The following SLC35F1 variants were observed in gnomAD, a reference collection of about 807,000 sequenced individuals.
SLC35F1 encodes chromosome 6 open reading frame 169.
Under a neutral mutation model 48.7 loss-of-function variants are expected in SLC35F1, and 14 were observed. The observed-to-expected ratio is 0.29, with a 90% CI of 0.19 to 0.45. The LOEUF is 0.45. SLC35F1 is among the 20% of genes least tolerant of loss of function. The probability of loss-of-function intolerance (pLI) is 1.00; values close to 1 mark genes in which losing one functional copy is unlikely to be tolerated. For missense variants in SLC35F1, 404 were observed against 500.0 expected (o/e 0.81, Z 1.83); for synonymous variants, 190 against 202.2 (o/e 0.94, Z 0.51).
chr6:117,927,082 A>ATCATCTG lies in SLC35F1; in HGVS notation c.173+19185_173+19191dup, dbSNP rs1306197478. The stretch of plus-strand genomic sequence containing the variant: ...TCTAAACTCACTGAGCTTTAGTTCC[A>ATCATCTG]TCATCTGTGAAATTCAGTAAGAGTA... On this transcript the variant is annotated intron_variant, in intron 1 of 7. Transcript: ENST00000360388. Among the ~76,000 whole-genome samples, 7 of 152,294 alleles carry ATCATCTG rather than the reference A, an allele frequency of 4.6e-5. No individual in the cohort carries two copies. The South Asian group carries it at 1.0e-3, about 23-fold the overall frequency.
chr6:117,999,264 C>G, intron 1 of SLC35F1: 4 of 1,595,390 alleles, frequency 2.5e-6, no homozygotes, highest in Non-Finnish European at 3.4e-6. Context: ...GATCGACATG[C>G]CTACGTTGCC....
chr6:118,123,983 C>T (rs1773589223), intron 1 of SLC35F1, among the ~76,000 whole-genome samples: 1 of 152,110 alleles, frequency 6.6e-6, no homozygotes, highest in African/African-American at 2.4e-5. Context: ...TTGGCTTCCA[C>T]AAATGCATCT....
intron 1 of SLC35F1, among the ~76,000 whole-genome samples, chr6:118,016,506 G>A (rs940176577): frequency 6.6e-6 from 1 of 152,196 alleles, no homozygotes; most frequent in African/African-American, 2.4e-5. Context: ...CAGCAAGGGT[G>A]GGAGGGAAAG....
At chr6:118,007,968 G>A (rs1777196067) in intron 1 of SLC35F1, among the ~76,000 whole-genome samples, 1 of 152,100 alleles carries the variant, frequency 6.6e-6, no homozygotes, top group Non-Finnish European at 1.5e-5. Context: ...GCTAGCTGTT[G>A]GCGGGGGGCT....
chr6:118,295,860 C>G (rs1041320514), intron 7 of SLC35F1, among the ~76,000 whole-genome samples: 1 of 152,220 alleles, frequency 6.6e-6, no homozygotes, highest in Non-Finnish European at 1.5e-5. Context: ...ACTGGCATCT[C>G]TGAAGCCCAA....
chr6:118,028,547 G>T (rs1008950330), intron 1 of SLC35F1, among the ~76,000 whole-genome samples: 2 of 152,006 alleles, frequency 1.3e-5, no homozygotes, highest in African/African-American at 4.8e-5. Context: ...TGAGGAAATG[G>T]GTGGATAGTG....
At position 118,267,054 on chromosome 6, in the gene SLC35F1, C is replaced by G; in HGVS notation, c.537C>G (p.Ile179Met). 1 of 1,614,000 alleles carries G rather than the reference C, an allele frequency of 6.2e-7. No homozygotes were observed. Among genetic ancestry groups the G allele is most frequent in the Non-Finnish European group, 8.5e-7 (1 of 1,179,918 alleles). ...TGCTCTCCTGGTTCTTCCTGCTGATCCGGTACAAGGCTGTGCATTTCATCG... is the reference window on the plus strand; with the variant it reads ...TGCTCTCCTGGTTCTTCCTGCTGATGCGGTACAAGGCTGTGCATTTCATCG... ...VILLSWFFLLIRYKAVHFIGI... is the reference protein window; with the variant it reads ...VILLSWFFLLMRYKAVHFIGI... Residue 179 changes from isoleucine to methionine, a missense_variant, in exon 4 of 8, where the codon ATC becomes ATG. Ile to Met is a conservative substitution (Grantham distance 10). Transcript: ENST00000360388.
intron 2 of SLC35F1, among the ~76,000 whole-genome samples, chr6:118,171,784 A>C (rs1028213756): frequency 1.3e-5 from 2 of 152,184 alleles, no homozygotes; most frequent in South Asian, 2.1e-4. Flanking sequence ...CTAAAGTAAA[A>C]ATGTGAAATC....
intron 1 of SLC35F1, among the ~76,000 whole-genome samples, chr6:117,927,944 T>C (rs1466178853): frequency 6.6e-6 from 1 of 152,166 alleles, no homozygotes; most frequent in Non-Finnish European, 1.5e-5. Flanking sequence ...AGCCAGAGTT[T>C]GAAAGAAAAG....
chr6:117,914,085 C>CCTATCTAT (rs60175681), intron 1 of SLC35F1, among the ~76,000 whole-genome samples: 2,146 of 145,244 alleles, frequency 0.015, 25 homozygotes, highest in East Asian at 0.022. Flanking sequence ...ACAAAAGAAT[C>CCTATCTAT]CTATCTATCT....
chr6:118,249,077 G>T (rs1337219255), intron 3 of SLC35F1, among the ~76,000 whole-genome samples: 1 of 152,184 alleles, frequency 6.6e-6, no homozygotes, highest in Non-Finnish European at 1.5e-5. Context: ...CTAAGTCTTT[G>T]ATCTTAGACA....
Position 118,267,136 on chromosome 6 carries a change from G to A in SLC35F1, c.619G>A (p.Gly207Arg), listed in dbSNP as rs1775783827. ...CATGGTGGGAGCAGATGTGCTTGTG[G>A]GAAGACATCAGGGAGCAGGTGAGTC... is the stretch of plus-strand genomic sequence containing the variant. ...GCMVGADVLV[G>R]RHQGAGENKL... Residue 207 changes from glycine to arginine, a missense_variant, in exon 4 of 8, where the codon GGA becomes AGA. Transcript: ENST00000360388. 6.2e-7 allele frequency: 1 copy of A among 1,613,822 alleles called. No individual in the cohort carries two copies.
intron 2 of SLC35F1, among the ~76,000 whole-genome samples, chr6:118,181,732 A>T (rs567956983): frequency 2.6e-5 from 4 of 152,164 alleles, no homozygotes; most frequent in Non-Finnish European, 5.9e-5. Flanking sequence ...CCAAAAAAAG[A>T]TTGAAAATAC....
intron 1 of SLC35F1, among the ~76,000 whole-genome samples, chr6:118,028,183 T>C (rs1771985879): frequency 6.6e-6 from 1 of 152,162 alleles, no homozygotes; most frequent in Non-Finnish European, 1.5e-5. Flanking sequence ...TTAATGCATC[T>C]AGGGGAGAGT....
At chr6:118,246,318 G>T (rs183785085) in intron 3 of SLC35F1, among the ~76,000 whole-genome samples, 81 of 152,222 alleles carry the variant, frequency 5.3e-4, no homozygotes, top group African/African-American at 1.9e-3. Flanking sequence ...TTTCTTCATG[G>T]CTCAGCTTTA....
At chr6:118,156,299 C>G (rs1774139962) in intron 2 of SLC35F1, among the ~76,000 whole-genome samples, 1 of 152,068 alleles carries the variant, frequency 6.6e-6, no homozygotes, top group East Asian at 1.9e-4. Context: ...ATATGAGTGA[C>G]CGTGGCCCCT....
intron 1 of SLC35F1, among the ~76,000 whole-genome samples, chr6:117,971,119 T>C (rs1410539771): frequency 4.6e-5 from 7 of 152,136 alleles, no homozygotes; most frequent in Admixed American, 4.6e-4. Context: ...CTAGATACAA[T>C]GGAGGTACAG....
At chr6:118,213,905 A>G (rs1775039945) in intron 2 of SLC35F1, among the ~76,000 whole-genome samples, 1 of 152,224 alleles carries the variant, frequency 6.6e-6, no homozygotes, top group South Asian at 2.1e-4. Flanking sequence ...AAGGAAAGTG[A>G]ACACTTCAAC....
chr6:118,159,186 A>T (rs944109264), intron 2 of SLC35F1, among the ~76,000 whole-genome samples: 1 of 126,048 alleles, frequency 7.9e-6, no homozygotes, highest in Admixed American at 1.1e-4. Context: ...GCGCCACTGC[A>T]CTCCAGCCTG....
Sources: gnomAD v4.1 joint callset for allele counts (sites outside exome capture counted in the v4.1 genomes callset) on GRCh38, gnomAD v4.1.1 for gene constraint, MANE v1.5 for transcripts, NCBI Gene and HGNC (gene_info 2026-07-23, HGNC 2026-07-21) for gene names.